Variants in QSER1 observed in about 807,000 individuals in gnomAD.
QSER1 encodes the protein glutamine and serine-rich protein 1.
A neutral mutation model predicts 158.5 loss-of-function variants in QSER1; 49 were observed. The ratio of observed to expected loss-of-function variants is 0.31; its 90% CI spans 0.25 to 0.39. QSER1 has a LOEUF of 0.39. Ranked by LOEUF, QSER1 falls within the 10% of genes least tolerant of loss-of-function variation. The pLI is 1.00. For missense variants in QSER1, 1,754 were observed against 2,010.3 expected (o/e 0.87, Z 2.44); for synonymous variants, 650 against 715.5 (o/e 0.91, Z 1.46).
intron 11 of QSER1, among the ~76,000 whole-genome samples, 190 bp downstream of exon 11, chr11:32,973,739 T>G (rs1346808111): frequency 6.6e-6 from 1 of 152,212 alleles, no homozygotes; most frequent in Non-Finnish European, 1.5e-5. Flanking sequence ...TATAGCACAG[T>G]ATCAGGCATA....
Position 32,931,908 on chromosome 11 carries a change from C to T in QSER1, c.650C>T (p.Thr217Ile), listed in dbSNP as rs747956806. 3.7e-6 allele frequency: 6 copies of T among 1,614,158 alleles called. No individual in the cohort carries two copies. The East Asian group carries it at 6.7e-5, about 18-fold the overall frequency. ...CTTCAGGATTCAACTTTTAACACTACATCAAATGGAATTTTAAGTCATCAT... is the reference window on the plus strand; with the variant it reads ...CTTCAGGATTCAACTTTTAACACTATATCAAATGGAATTTTAAGTCATCAT... The part of the protein sequence containing the change: ...LVLQDSTFNT[T>I]SNGILSHHDP... The change falls in exon 4 of 13, where the codon ACA becomes ATA. Residue 217 changes from threonine (T) to isoleucine (I), a missense_variant. This residue lies in a region of QSER1 where 1,707 missense variants were observed against 1,919.6 expected (regional missense o/e 0.89). Transcript: ENST00000650167.
At chr11:32,926,563 A>G (rs1851974570) in intron 1 of QSER1, 1 of 152,204 alleles carries the variant, frequency 6.6e-6, no homozygotes, top group Non-Finnish European at 1.5e-5. Flanking sequence ...TATGGGTTTA[A>G]AATATTCAAA....
At chr11:32,942,391 TC>T (rs1219385038) in intron 4 of QSER1, among the ~76,000 whole-genome samples, 2,337 of 146,238 alleles carry the variant, frequency 0.016, 46 homozygotes, top group African/African-American at 0.056. Context: ...CTTTAATCCA[TC>T]TTGAATTGAT....
intron 1 of QSER1, among the ~76,000 whole-genome samples, chr11:32,920,018 C>T (rs2133524153): frequency 6.6e-6 from 1 of 152,246 alleles, no homozygotes; most frequent in Admixed American, 6.5e-5. Flanking sequence ...ATACTCTAGA[C>T]TCATCTTGTA....
In QSER1 at chr11:32,932,073, A is replaced by G. The variant is rs1030514392; in HGVS notation, c.815A>G (p.His272Arg). The change falls in exon 4 of 13, where the codon CAT becomes CGT. Residue 272 changes from histidine (H) to arginine (R), a missense_variant. Physicochemically the swap from His to Arg is conservative, Grantham distance 29 (BLOSUM62 0). Transcript: ENST00000650167. ...CGCTCAGCTCAAGAGTCTGCACCCC[A>G]TCTTTTACAACCTCAATTTAGTTTG... Reference protein sequence around the residue: ...TYRSAQESAPHLLQPQFSLLP... With the variant: ...TYRSAQESAPRLLQPQFSLLP... 2.5e-6 allele frequency: 4 copies of G among 1,614,130 alleles called. No homozygotes were observed. The highest frequency in any genetic ancestry group is 3.4e-6 in the Non-Finnish European group (4 of 1,180,012).
At chr11:32,911,812 T>C (rs1263344585) in intron 1 of QSER1, among the ~76,000 whole-genome samples, 1 of 152,236 alleles carries the variant, frequency 6.6e-6, no homozygotes, top group Non-Finnish European at 1.5e-5. Context: ...AGTTACCTAG[T>C]TTCACATCAT....
At chr11:32,970,321 T>A (rs1852828253) in intron 10 of QSER1, among the ~76,000 whole-genome samples, 1 of 152,180 alleles carries the variant, frequency 6.6e-6, no homozygotes, top group African/African-American at 2.4e-5. Flanking sequence ...CTGCCATGTA[T>A]TCGCAGGAAG....
At position 32,892,845 on chromosome 11, in the gene QSER1, C is replaced by CCGCCGT. The variant is rs1851497507; in HGVS notation, c.-276_-275insTCGCCG. ...AATCCACCAACATGGGGCGCAGCGG[C>CCGCCGT]CGCCGCCGCCGCCGCCGTCGCCGCG... On this transcript the variant is annotated 5_prime_UTR_variant, in exon 1 of 13. Transcript: ENST00000650167. Among the ~76,000 whole-genome samples, 1 of 148,346 alleles carries CCGCCGT rather than the reference C, an allele frequency of 6.7e-6. No individual in the cohort carries two copies. The highest frequency in any genetic ancestry group is 2.0e-4 in the East Asian group (1 of 4,928).
chr11:32,935,930 C>T (rs1395087205), intron 4 of QSER1, among the ~76,000 whole-genome samples: 3 of 152,108 alleles, frequency 2.0e-5, no homozygotes, highest in African/African-American at 4.8e-5. Flanking sequence ...GCAGCATGCA[C>T]ACTAATATAA....
At position 32,956,068 on chromosome 11, in the gene QSER1, A is replaced by C; in HGVS notation, c.4698A>C (p.Glu1566Asp). The change falls in exon 7 of 13, where the codon GAA becomes GAC. Residue 1566 changes from glutamate to aspartate, a missense_variant. Coordinates refer to ENST00000650167, the MANE Select transcript of QSER1 (RefSeq NM_001076786.3). ...TCATTGAAAATGCAAACAAGAAGGAATATGTCAGAGTGTGTTCTAAAAAGC... is the reference window on the plus strand; with the variant it reads ...TCATTGAAAATGCAAACAAGAAGGACTATGTCAGAGTGTGTTCTAAAAAGC... The part of the protein sequence containing the change: ...VKFIENANKK[E>D]YVRVCSKKPR... The C allele has an allele frequency of 6.2e-7, 1 of 1,611,906 alleles. No individual in the cohort carries two copies. The highest frequency in any genetic ancestry group is 1.3e-5 in the African/African-American group (1 of 75,008).
chr11:32,933,102 A>T lies in QSER1; in HGVS notation c.1844A>T (p.Asp615Val). The T allele has an allele frequency of 6.2e-7, 1 of 1,613,470 alleles. No homozygotes were observed. Among genetic ancestry groups the T allele is most frequent in the Non-Finnish European group, 8.5e-7 (1 of 1,179,876 alleles). Residue 615 changes from aspartate to valine, a missense_variant, in exon 4 of 13, where the codon GAC (aspartate) becomes GTC (valine). Asp to Val is a radical substitution (Grantham distance 152). Around this residue, in one of 2 missense-constraint regions of QSER1, gnomAD observed 1,707 missense variants for 1,919.6 expected, o/e 0.89. Transcript: ENST00000650167. ...SSASRAQNLP[D>V]SSPTQNYISM... ...GCCTCTCGGGCTCAGAATTTGCCAG[A>T]CTCTAGCCCGACCCAGAATTATATT...
At chr11:32,964,707 A>AG (rs1364887003) in intron 8 of QSER1, among the ~76,000 whole-genome samples, 2 of 126,080 alleles carry the variant, frequency 1.6e-5, no homozygotes, top group African/African-American at 6.2e-5. Context: ...CTAAGAAAAA[A>AG]AAAAAACACC....
chr11:32,914,594 T>A (rs952864863), intron 1 of QSER1, among the ~76,000 whole-genome samples: 2 of 152,226 alleles, frequency 1.3e-5, no homozygotes, highest in African/African-American at 4.8e-5. Context: ...GTGAAACATT[T>A]GCTAATTGAT....
intron 3 of QSER1, 77 bp from the exon 4 acceptor site, chr11:32,931,666 T>A: frequency 8.6e-7 from 1 of 1,160,758 alleles, no homozygotes; most frequent in Non-Finnish European, 1.2e-6. Flanking sequence ...AGTTGAGGGT[T>A]ATGTAAGTCA....
At chr11:32,895,778 G>C in intron 1 of QSER1, among the ~76,000 whole-genome samples, 1 of 152,102 alleles carries the variant, frequency 6.6e-6, no homozygotes, top group Non-Finnish European at 1.5e-5. Flanking sequence ...ATGCCTTCTT[G>C]GTCTTGAAAT....
intron 1 of QSER1, among the ~76,000 whole-genome samples, chr11:32,925,618 C>G (rs1851959835): frequency 6.6e-6 from 1 of 152,010 alleles, no homozygotes; most frequent in Non-Finnish European, 1.5e-5. Flanking sequence ...ACGTCTGCCT[C>G]CTGGGTTCAA....
chr11:32,905,999 A>G (rs1258619672), intron 1 of QSER1, among the ~76,000 whole-genome samples: 1 of 152,092 alleles, frequency 6.6e-6, no homozygotes, highest in African/African-American at 2.4e-5. Context: ...AAAATTCATT[A>G]TAATTTCTTC....
chr11:32,914,766 T>C (rs1041913826), intron 1 of QSER1, among the ~76,000 whole-genome samples: 2 of 152,186 alleles, frequency 1.3e-5, no homozygotes, highest in Non-Finnish European at 2.9e-5. Context: ...ACTGCATGAG[T>C]GGACATTTTA....
chr11:32,930,997 A>G (rs1852037514), intron 3 of QSER1, among the ~76,000 whole-genome samples: 1 of 152,208 alleles, frequency 6.6e-6, no homozygotes, highest in South Asian at 2.1e-4. Context: ...AGAGATTTTT[A>G]AAGTGAATAT....
Sources: allele counts gnomAD v4.1 joint callset (sites outside exome capture counted in the v4.1 genomes callset), GRCh38; gene constraint gnomAD v4.1.1; regional missense constraint gnomAD v4.1.1; transcripts MANE v1.5; gene names NCBI Gene and HGNC (gene_info 2026-07-23, HGNC 2026-07-21).